The following FKBP5 variants were observed in gnomAD, a reference collection of about 807,000 sequenced individuals.
FKBP5 encodes the protein peptidyl-prolyl cis-trans isomerase FKBP5.
FKBP5 carries 23 observed loss-of-function variants against 50.5 expected under a neutral mutation model. The observed-to-expected ratio is 0.46, with a 90% confidence interval of 0.33 to 0.65. FKBP5 has a LOEUF of 0.65. FKBP5 is among the 30% of genes least tolerant of loss of function. The probability of loss-of-function intolerance (pLI) is 0.02; values close to 1 mark genes in which losing one functional copy is unlikely to be tolerated. For synonymous variants in FKBP5, 176 were observed against 190.6 expected (o/e 0.92, Z 0.63); for missense variants, 411 against 553.1 (o/e 0.74, Z 2.58).
chr6:35,688,565 G>C (rs1217478096), intron 1 of FKBP5, among the ~76,000 whole-genome samples: 3 of 151,030 alleles, frequency 2.0e-5, no homozygotes, highest in East Asian at 2.0e-4. Context: ...GGGGAGCACC[G>C]GCCCCGCGGC....
chr6:35,694,704 T>C (rs2151016960), intron 2 of FKBP5, among the ~76,000 whole-genome samples: 1 of 152,322 alleles, frequency 6.6e-6, no homozygotes, highest in East Asian at 1.9e-4. Flanking sequence ...TGTTTTGTTT[T>C]CTTTTTAGTG....
intron 1 of FKBP5, among the ~76,000 whole-genome samples, chr6:35,725,262 C>T (rs1766683611): frequency 6.6e-6 from 1 of 152,124 alleles, no homozygotes; most frequent in Admixed American, 6.5e-5. Context: ...GAGGCCCCCA[C>T]CTCTGCCTCT....
In FKBP5 at chr6:35,584,017, A is replaced by G. The variant is rs568994563; in HGVS notation, c.840+3017T>C. ...GCACAAGGGGGCGCAAGAATCCCAC[A>G]TCACTTCAGTGTTCTTAGCCTTCTT... On this transcript the variant is annotated intron_variant, in intron 8 of 10. Coordinates refer to ENST00000357266, the MANE Select transcript of FKBP5 (RefSeq NM_004117.4). 3.0e-6 allele frequency: 3 copies of G among 985,304 alleles called. No individual in the cohort carries two copies. The African/African-American group carries it at 5.2e-5, about 17-fold the overall frequency. 61.0% of individuals were successfully genotyped at this position (985,304 alleles called of 1,614,324 possible). A position where few individuals can be genotyped will look rare whatever the true frequency, so the allele number is the denominator to read the frequency against.
chr6:35,592,121 T>C (rs1425085372), intron 6 of FKBP5, among the ~76,000 whole-genome samples: 2 of 152,236 alleles, frequency 1.3e-5, no homozygotes, highest in Non-Finnish European at 2.9e-5. Flanking sequence ...CACTGAAATA[T>C]ATTATGTTCC....
At chr6:35,721,613 G>A (rs1391184961) in intron 1 of FKBP5, among the ~76,000 whole-genome samples, 1 of 152,002 alleles carries the variant, frequency 6.6e-6, no homozygotes, top group African/African-American at 2.4e-5. Context: ...GCGCTACCAC[G>A]CCCGGCTAAT....
chr6:35,705,143 A>C (rs973153910), intron 2 of FKBP5, among the ~76,000 whole-genome samples: 9 of 148,432 alleles, frequency 6.1e-5, no homozygotes, highest in African/African-American at 1.7e-4. Context: ...TCCGTCTCAA[A>C]AACAACAACA....
chr6:35,689,729 CG>C (rs1023886494), upstream of FKBP5, among the ~76,000 whole-genome samples: 2 of 152,028 alleles, frequency 1.3e-5, no homozygotes, highest in African/African-American at 4.8e-5. Context: ...CCCAGCTACT[CG>C]GGAGGCTGAG....
intron 1 of FKBP5, among the ~76,000 whole-genome samples, chr6:35,726,816 C>A (rs1156863560): frequency 1.3e-5 from 2 of 152,080 alleles, no homozygotes; most frequent in Admixed American, 1.3e-4. Flanking sequence ...CAAGCCTGGC[C>A]TGTGGGGGAT....
rs553392970 is a variant in FKBP5 at position 35,618,437 on chromosome 6, C to T, written c.508+659G>A. Among the ~76,000 whole-genome samples, 68 of 152,230 alleles carry T rather than the reference C, an allele frequency of 4.5e-4. No homozygotes were observed. In the East Asian group the frequency reaches 0.011, roughly 25 times the overall value. ...AGGCTGAAGCACAATGGCACAATCA[C>T]GGCTCTCTGCTGTAGCATTCATCTC... On this transcript the variant is annotated intron_variant, in intron 5 of 10. Coordinates refer to ENST00000357266, the MANE Select transcript of FKBP5 (RefSeq NM_004117.4).
chr6:35,684,216 T>C (rs1274404512), intron 1 of FKBP5, among the ~76,000 whole-genome samples: 1 of 151,774 alleles, frequency 6.6e-6, no homozygotes, highest in African/African-American at 2.4e-5. Context: ...TCTCGCTCTG[T>C]TGTCCAGGCT....
At chr6:35,617,041 T>A (rs1447824110) in intron 5 of FKBP5, among the ~76,000 whole-genome samples, 3 of 152,120 alleles carry the variant, frequency 2.0e-5, no homozygotes, top group Non-Finnish European at 4.4e-5. Context: ...TGAAGTCTAG[T>A]TGAAGCCAGC....
At chr6:35,593,443 C>G (rs1156516397) in intron 6 of FKBP5, among the ~76,000 whole-genome samples, 2 of 152,218 alleles carry the variant, frequency 1.3e-5, no homozygotes, top group African/African-American at 4.8e-5. Context: ...AAGTCACACA[C>G]AGGCAGTGGT....
intron 2 of FKBP5, among the ~76,000 whole-genome samples, chr6:35,713,703 T>C (rs959521888): frequency 3.3e-5 from 5 of 152,168 alleles, no homozygotes; most frequent in Non-Finnish European, 7.3e-5. Flanking sequence ...TCAATTTGCA[T>C]AAAGGGTAGC....
At chr6:35,698,137 G>T (rs577778568) in intron 2 of FKBP5, among the ~76,000 whole-genome samples, 46 of 152,252 alleles carry the variant, frequency 3.0e-4, no homozygotes, top group Middle Eastern at 3.4e-3. Flanking sequence ...GATGTCAGGG[G>T]TTCAAGACCA....
At chr6:35,610,373 T>C (rs1763451759) in intron 5 of FKBP5, among the ~76,000 whole-genome samples, 1 of 151,862 alleles carries the variant, frequency 6.6e-6, no homozygotes, top group Admixed American at 6.6e-5. Flanking sequence ...GAGACCATCC[T>C]GGCTAACACG....
chr6:35,640,550 GACTACAT>G (rs1764455979), intron 2 of FKBP5, among the ~76,000 whole-genome samples: 1 of 152,034 alleles, frequency 6.6e-6, no homozygotes, highest in Admixed American at 6.6e-5. Context: ...TGGACACCTA[GACTACAT>G]TTATTTTAAA....
chr6:35,667,508 A>G (rs1765265495), intron 1 of FKBP5, among the ~76,000 whole-genome samples: 1 of 152,222 alleles, frequency 6.6e-6, no homozygotes, highest in African/African-American at 2.4e-5. Flanking sequence ...TTCCTCCATA[A>G]TTAATATTTA....
chr6:35,612,253 T>G (rs1410675410), intron 5 of FKBP5, among the ~76,000 whole-genome samples: 1 of 152,080 alleles, frequency 6.6e-6, no homozygotes, highest in Non-Finnish European at 1.5e-5. Context: ...TAGCTGGGTG[T>G]GGTGGCACGT....
chr6:35,686,448 A>G (rs1765829395), intron 1 of FKBP5, among the ~76,000 whole-genome samples: 1 of 152,164 alleles, frequency 6.6e-6, no homozygotes, highest in East Asian at 1.9e-4. Context: ...ATCACAGAAT[A>G]AGGACAATAA....
Sources: allele counts gnomAD v4.1 joint callset (sites outside exome capture counted in the v4.1 genomes callset), GRCh38; gene constraint gnomAD v4.1.1; transcripts MANE v1.5; gene names NCBI Gene and HGNC (gene_info 2026-07-23, HGNC 2026-07-21).